The following PDIA5 variants were observed in gnomAD, a reference collection of about 807,000 sequenced individuals.
PDIA5 encodes the protein protein disulfide-isomerase A5.
A neutral mutation model predicts 77.6 loss-of-function variants in PDIA5; 58 were observed. The ratio of observed to expected loss-of-function variants is 0.75; its 90% confidence interval spans 0.61 to 0.93. The LOEUF is 0.93. Among genes scored for constraint, PDIA5 ranks in the 40% least tolerant of loss-of-function variants. The pLI is 0.00. For missense variants in PDIA5, 630 were observed against 647.7 expected (o/e 0.97, Z 0.30); for synonymous variants, 250 against 252.1 (o/e 0.99, Z 0.08).
intron 14 of PDIA5, among the ~76,000 whole-genome samples, chr3:123,151,901 C>T (rs531461812): frequency 1.3e-5 from 2 of 148,998 alleles, no homozygotes; most frequent in East Asian, 2.0e-4. Context: ...TCCTTCCTGC[C>T]TGCCTTCCTT....
chr3:123,119,488 T>C (rs918084098), intron 8 of PDIA5, among the ~76,000 whole-genome samples: 1 of 152,200 alleles, frequency 6.6e-6, no homozygotes, highest in Non-Finnish European at 1.5e-5. Flanking sequence ...TATTTTCCCT[T>C]TCATTTCCTA....
At chr3:123,123,417 T>C (rs973713227) in intron 8 of PDIA5, among the ~76,000 whole-genome samples, 2 of 152,166 alleles carry the variant, frequency 1.3e-5, no homozygotes, top group African/African-American at 4.8e-5. Context: ...TGGGTAATGG[T>C]CACCAACAGG....
chr3:123,125,220 T>C (rs529722549), intron 10 of PDIA5, among the ~76,000 whole-genome samples: 16 of 152,362 alleles, frequency 1.1e-4, no homozygotes, highest in Admixed American at 8.5e-4. Context: ...TGCTGCTTCA[T>C]GAGTATTTGT....
chr3:123,151,987 G>A (rs1251330361), intron 14 of PDIA5, among the ~76,000 whole-genome samples: 14 of 104,074 alleles, frequency 1.3e-4, no homozygotes, highest in African/African-American at 6.2e-4. Context: ...CTTCCTTCCT[G>A]CCTTCCTGCC....
chr3:123,147,759 C>T (rs1214090684), intron 13 of PDIA5, among the ~76,000 whole-genome samples: 1 of 152,224 alleles, frequency 6.6e-6, no homozygotes, highest in Non-Finnish European at 1.5e-5. Flanking sequence ...GCTTACCCCT[C>T]AAGGCCTTCT....
intron 10 of PDIA5, among the ~76,000 whole-genome samples, chr3:123,126,640 C>T (rs761340644): frequency 6.6e-6 from 1 of 152,208 alleles, no homozygotes; most frequent in African/African-American, 2.4e-5. Context: ...CCCTCACATC[C>T]TTTTGGGCAG....
intron 1 of PDIA5, 40 bp from the exon 2 acceptor site, chr3:123,089,128 A>G (rs1306900072): frequency 6.3e-7 from 1 of 1,596,972 alleles, no homozygotes; most frequent in Admixed American, 1.7e-5. Flanking sequence ...GGGCCCAGCC[A>G]GAAGCTGGAA....
At chr3:123,145,275 T>C in intron 11 of PDIA5, 2 of 519,996 alleles carry the variant, frequency 3.8e-6, no homozygotes, top group Non-Finnish European at 6.8e-6. Context: ...CACTGGTCAG[T>C]ACCTGGCACA....
intron 7 of PDIA5, among the ~76,000 whole-genome samples, chr3:123,113,052 T>G (rs1438566266): frequency 1.3e-5 from 2 of 152,190 alleles, no homozygotes; most frequent in African/African-American, 4.8e-5. Flanking sequence ...ATTAGTTGGT[T>G]TCACCCCTTT....
At chr3:123,139,099 C>T (rs756690994) in intron 11 of PDIA5, among the ~76,000 whole-genome samples, 96 of 152,282 alleles carry the variant, frequency 6.3e-4, no homozygotes, top group Non-Finnish European at 9.9e-4. Flanking sequence ...TGCCAGATCA[C>T]GGAAATCGGA....
intron 15 of PDIA5, among the ~76,000 whole-genome samples, chr3:123,155,666 C>G (rs1284079953): frequency 6.6e-6 from 1 of 152,206 alleles, no homozygotes; most frequent in Non-Finnish European, 1.5e-5. Flanking sequence ...CCTTTGAGTT[C>G]CCTTCTCATC....
At chr3:123,104,077 C>A (rs999692697) in intron 5 of PDIA5, among the ~76,000 whole-genome samples, 2 of 152,174 alleles carry the variant, frequency 1.3e-5, no homozygotes, top group Non-Finnish European at 2.9e-5. Context: ...CCCCAGCATG[C>A]CACTGGGTGT....
At chr3:123,116,959 G>A (rs1178885123) in intron 8 of PDIA5, among the ~76,000 whole-genome samples, 1 of 151,626 alleles carries the variant, frequency 6.6e-6, no homozygotes, top group Non-Finnish European at 1.5e-5. Flanking sequence ...TGGGCCTTCA[G>A]AGAAGTAGGA....
intron 11 of PDIA5, among the ~76,000 whole-genome samples, chr3:123,139,328 A>G (rs836865): frequency 0.96 from 145,487 of 152,166 alleles, 69,847 homozygotes; most frequent in East Asian, 1. Context: ...TCCATCACCC[A>G]CGGCTCCCCA....
At position 123,070,863 on chromosome 3, in the gene PDIA5, G is replaced by A. The variant is rs1933706514; in HGVS notation, c.42+3657G>A. On this transcript the variant is annotated intron_variant, in intron 1 of 16. Transcript: ENST00000316218. ...CTAGCTCAGTGGTTCTCAAGCATTG[G>A]GCCAAGGACTGAAGCTGGGCTGGGA... 2.6e-5 allele frequency among the ~76,000 whole-genome samples: 4 copies of A among 152,092 alleles called. No individual in the cohort carries two copies. In the South Asian group the frequency reaches 8.3e-4, roughly 32 times the overall value.
intron 11 of PDIA5, among the ~76,000 whole-genome samples, chr3:123,131,745 G>A (rs779161095): frequency 2.0e-5 from 3 of 151,920 alleles, no homozygotes; most frequent in Non-Finnish European, 4.4e-5. Context: ...GTTTTCTGGA[G>A]CAGTGTCTTC....
intron 8 of PDIA5, among the ~76,000 whole-genome samples, chr3:123,122,545 C>T (rs1299003165): frequency 2.0e-5 from 3 of 152,156 alleles, no homozygotes; most frequent in African/African-American, 7.2e-5. Flanking sequence ...TCCAGGTGCC[C>T]CTAGGAATGG....
At chr3:123,152,688 C>T (rs1265174145) in intron 14 of PDIA5, among the ~76,000 whole-genome samples, 1 of 152,110 alleles carries the variant, frequency 6.6e-6, no homozygotes, top group Non-Finnish European at 1.5e-5. Context: ...AGCTGCCTCA[C>T]CCCAACATCT....
intron 7 of PDIA5, among the ~76,000 whole-genome samples, chr3:123,111,473 G>A (rs1369583582): frequency 2.0e-5 from 3 of 152,244 alleles, no homozygotes; most frequent in Non-Finnish European, 4.4e-5. Flanking sequence ...GGAGGAGCGG[G>A]GGACCAGGAG....
Sources: allele counts gnomAD v4.1 joint callset (sites outside exome capture counted in the v4.1 genomes callset), GRCh38; gene constraint gnomAD v4.1.1; transcripts MANE v1.5; gene names NCBI Gene and HGNC (gene_info 2026-07-23, HGNC 2026-07-21).